CAB39L: variants seen among roughly 807,000 people sequenced by gnomAD.
CAB39L encodes the protein calcium binding protein 39 like, also known as calcium-binding protein 39-like.
Under a neutral mutation model 39.1 loss-of-function variants are expected in CAB39L, and 23 were observed. The ratio of observed to expected loss-of-function variants is 0.59; its 90% CI spans 0.42 to 0.83. The LOEUF (loss-of-function observed/expected upper bound fraction) is 0.83, where lower values mean the gene tolerates loss of function less well. CAB39L is among the 40% of genes least tolerant of loss of function. The pLI, the probability that CAB39L is intolerant of heterozygous loss-of-function variation, is 0.00. For missense variants in CAB39L, 366 were observed against 391.9 expected (o/e 0.93, Z 0.56); for synonymous variants, 126 against 137.2 (o/e 0.92, Z 0.57).
intron 10 of CAB39L, among the ~76,000 whole-genome samples, chr13:49,329,029 A>G (rs1009125876): frequency 2.0e-5 from 3 of 152,198 alleles, no homozygotes; most frequent in Non-Finnish European, 2.9e-5. Flanking sequence ...ACAACCCATT[A>G]TCCAAGAAAC....
intron 5 of CAB39L, among the ~76,000 whole-genome samples, chr13:49,363,878 A>G (rs797006854): frequency 2.2e-5 from 2 of 89,956 alleles, no homozygotes; most frequent in South Asian, 5.5e-4. Context: ...TGAATGGATG[A>G]AAAAAAAACA....
chr13:49,316,076 G>A (rs762200664), intron 10 of CAB39L, among the ~76,000 whole-genome samples: 39 of 151,960 alleles, frequency 2.6e-4, no homozygotes, highest in Admixed American at 1.2e-3. Flanking sequence ...CCAAAAGTTG[G>A]TTCTTTGAAA....
chr13:49,365,522 A>C (rs1955747066), intron 5 of CAB39L, among the ~76,000 whole-genome samples: 1 of 152,180 alleles, frequency 6.6e-6, no homozygotes, highest in Non-Finnish European at 1.5e-5. Flanking sequence ...AAACCTACAG[A>C]ACACAGGCCT....
chr13:49,357,215 G>T (rs978727479), intron 6 of CAB39L, among the ~76,000 whole-genome samples: 1 of 152,126 alleles, frequency 6.6e-6, no homozygotes, highest in African/African-American at 2.4e-5. Flanking sequence ...TTTAGTGTCA[G>T]ATCTGCATGG....
At chr13:49,416,097 C>A (rs1957080444) in intron 3 of CAB39L, among the ~76,000 whole-genome samples, 1 of 152,172 alleles carries the variant, frequency 6.6e-6, no homozygotes, top group Non-Finnish European at 1.5e-5. Flanking sequence ...AAGCAAAGAG[C>A]ATTTATGCTG....
intron 4 of CAB39L, among the ~76,000 whole-genome samples, chr13:49,382,177 G>A (rs1342703715): frequency 2.0e-5 from 3 of 151,798 alleles, no homozygotes; most frequent in East Asian, 3.9e-4. Context: ...TTGCAAAAAA[G>A]CCATTTTTCT....
intron 1 of CAB39L, among the ~76,000 whole-genome samples, chr13:49,435,022 C>T (rs1216608955): frequency 6.6e-6 from 1 of 152,192 alleles, no homozygotes; most frequent in Non-Finnish European, 1.5e-5. Context: ...AGAGAAATCT[C>T]TCTTCTGTTG....
chr13:49,393,309 T>G (rs900270583), intron 3 of CAB39L, among the ~76,000 whole-genome samples: 3 of 152,036 alleles, frequency 2.0e-5, no homozygotes, highest in Admixed American at 2.0e-4. Flanking sequence ...CAACTAAATA[T>G]GTACAAAATC....
chr13:49,348,808 A>G (rs1159801367), intron 7 of CAB39L, among the ~76,000 whole-genome samples: 1 of 152,212 alleles, frequency 6.6e-6, no homozygotes, highest in Non-Finnish European at 1.5e-5. Flanking sequence ...GGCAGCTGCC[A>G]GGACTTGCCT....
chr13:49,363,918 ACACATCT>A (rs1955700956), intron 5 of CAB39L, among the ~76,000 whole-genome samples: 2 of 152,210 alleles, frequency 1.3e-5, no homozygotes, highest in African/African-American at 4.8e-5. Context: ...CCTACAAGAA[ACACATCT>A]CACCTATGAA....
chr13:49,329,554 T>A (rs1294756558), intron 10 of CAB39L, among the ~76,000 whole-genome samples: 1,932 of 6,620 alleles, frequency 0.29, 254 homozygotes, highest in East Asian at 0.61. Flanking sequence ...AATATATATA[T>A]ATATATATAT....
chr13:49,336,127 CAAA>C (rs199728869), intron 9 of CAB39L, among the ~76,000 whole-genome samples: 8 of 115,548 alleles, frequency 6.9e-5, no homozygotes, highest in Admixed American at 9.1e-5. Context: ...GTTTTTCTAG[CAAA>C]AAAAAAAAAA....
At chr13:49,354,819 A>C (rs952271264) in intron 6 of CAB39L, among the ~76,000 whole-genome samples, 1 of 152,226 alleles carries the variant, frequency 6.6e-6, no homozygotes, top group Non-Finnish European at 1.5e-5. Context: ...AAAATGTAAG[A>C]GCAATGGTCT....
chr13:49,369,130 A>T (rs1404965729), intron 5 of CAB39L, among the ~76,000 whole-genome samples: 3 of 152,262 alleles, frequency 2.0e-5, no homozygotes, highest in Non-Finnish European at 4.4e-5. Context: ...ACAATGAGAT[A>T]TCACAAACCC....
chr13:49,348,251 A>G (rs1955238235), intron 7 of CAB39L, among the ~76,000 whole-genome samples: 1 of 151,914 alleles, frequency 6.6e-6, no homozygotes, highest in African/African-American at 2.4e-5. Context: ...AAACCCGCAC[A>G]CCCTCCTGCT....
At chr13:49,432,445 T>C (rs1283178675) in intron 3 of CAB39L, among the ~76,000 whole-genome samples, 1 of 152,194 alleles carries the variant, frequency 6.6e-6, no homozygotes, top group Admixed American at 6.5e-5. Flanking sequence ...CATAAACATA[T>C]TTATTTCATG....
intron 5 of CAB39L, among the ~76,000 whole-genome samples, chr13:49,376,263 A>C (rs748119786): frequency 8.5e-5 from 13 of 152,234 alleles, no homozygotes; most frequent in Admixed American, 1.3e-4. Flanking sequence ...AAAGCAACAA[A>C]GCCAAACCAG....
chr13:49,437,525 C>T (rs547920309), intron 1 of CAB39L, among the ~76,000 whole-genome samples: 82 of 152,198 alleles, frequency 5.4e-4, no homozygotes, highest in African/African-American at 2.0e-3. Flanking sequence ...CTTCTCTATC[C>T]AGGGTGGGGC....
chr13:49,414,512 G>A (rs189707210), intron 3 of CAB39L, among the ~76,000 whole-genome samples: 451 of 152,096 alleles, frequency 3.0e-3, no homozygotes, highest in Non-Finnish European at 5.5e-3. Flanking sequence ...GGAAACAGTT[G>A]AATAAATTAT....
Sources: gnomAD v4.1 joint callset for allele counts (sites outside exome capture counted in the v4.1 genomes callset) on GRCh38, gnomAD v4.1.1 for gene constraint, MANE v1.5 for transcripts, NCBI Gene and HGNC (gene_info 2026-07-23, HGNC 2026-07-21) for gene names.